Variants in MTRR observed in about 807,000 individuals in gnomAD.
The protein encoded by MTRR is 5-methyltetrahydrofolate-homocysteine methyltransferase reductase.
Under a neutral mutation model 79.2 loss-of-function variants are expected in MTRR, and 63 were observed. The observed-to-expected ratio is 0.80, with a 90% CI of 0.65 to 0.98. MTRR has a LOEUF of 0.98. Ranked by LOEUF, MTRR falls within the 50% of genes least tolerant of loss-of-function variation. MTRR has a pLI of 0.00. For missense variants in MTRR, 895 were observed against 839.6 expected (o/e 1.07, Z -0.82); for synonymous variants, 355 against 313.3 (o/e 1.13, Z -1.41).
intron 14 of MTRR, among the ~76,000 whole-genome samples, chr5:7,898,343 T>C (rs1738881495): frequency 1.3e-5 from 2 of 152,238 alleles, no homozygotes; most frequent in South Asian, 4.1e-4. Context: ...ATCACAGATA[T>C]CTGGTCATTG....
chr5:7,876,158 G>T (rs944623216), intron 4 of MTRR, among the ~76,000 whole-genome samples: 2 of 135,042 alleles, frequency 1.5e-5, no homozygotes, highest in Non-Finnish European at 3.1e-5. Flanking sequence ...TTGCTTTTCG[G>T]CATACTGTAT....
intron 5 of MTRR, among the ~76,000 whole-genome samples, chr5:7,882,026 G>A (rs1021567671): frequency 1.3e-5 from 2 of 152,174 alleles, no homozygotes; most frequent in African/African-American, 4.8e-5. Flanking sequence ...GGCTACCCTG[G>A]CACTGACTGT....
chr5:7,891,360 A>AT lies in MTRR; in HGVS notation c.1328-5dup. The AT allele has an allele frequency of 2.4e-6, 3 of 1,243,342 alleles. No homozygotes were observed. The highest frequency in any genetic ancestry group is 1.7e-5 in the South Asian group (1 of 60,354). The allele number at this position is 1,243,342 out of a possible 1,614,324, so 77.0% of individuals were successfully genotyped here. A position where few individuals can be genotyped will look rare whatever the true frequency, so the allele number is the denominator to read the frequency against. On this transcript the variant is annotated splice_polypyrimidine_tract_variant and intron_variant, in intron 9 of 14. Coordinates refer to ENST00000440940, the MANE Select transcript of MTRR (RefSeq NM_002454.3). Reference sequence around the variant, plus strand: ...AGTGAATTAATAATTGCTTGTTTTTATTTTTTTCTAGAACATCTTCCTAAA... The same window carrying AT: ...AGTGAATTAATAATTGCTTGTTTTTATTTTTTTTCTAGAACATCTTCCTAAA...
At chr5:7,854,381 A>C (rs1288449859) in intron 1 of MTRR, among the ~76,000 whole-genome samples, 1 of 151,682 alleles carries the variant, frequency 6.6e-6, no homozygotes, top group Non-Finnish European at 1.5e-5. Flanking sequence ...TTTATATGGG[A>C]GTTTATTAAG....
intron 14 of MTRR, among the ~76,000 whole-genome samples, chr5:7,897,703 T>G (rs1477522746): frequency 6.6e-6 from 1 of 152,204 alleles, no homozygotes; most frequent in African/African-American, 2.4e-5. Context: ...GTGATAAAGT[T>G]GAAACGTTCT....
At chr5:7,855,108 C>T (rs1746200990) in intron 1 of MTRR, among the ~76,000 whole-genome samples, 1 of 152,152 alleles carries the variant, frequency 6.6e-6, no homozygotes, top group East Asian at 1.9e-4. Flanking sequence ...GACATGAAAA[C>T]TACGTGAGAA....
chr5:7,899,768 A>G, intron 14 of MTRR, 146 bp from the exon 15 acceptor site: 1 of 1,107,156 alleles, frequency 9.0e-7, no homozygotes, highest in South Asian at 1.3e-5. Flanking sequence ...GGCATGAGTG[A>G]GGCTGGGAGA....
intron 8 of MTRR, among the ~76,000 whole-genome samples, chr5:7,887,469 A>C (rs1456221333): frequency 6.6e-6 from 1 of 151,058 alleles, no homozygotes; most frequent in Non-Finnish European, 1.5e-5. Context: ...CGTTTTATTA[A>C]TGTGTTTATT....
rs372516515 is a variant in MTRR, at chr5:7,855,430, AAAG to A, written n.391+3848_391+3850del. ...AGAAACATTCCAGTGGAAAAAAAAA[AAAG>A]AAAAAGTTAAAGAATAGATGAAACA... On this transcript the variant is annotated intron_variant and non_coding_transcript_variant, in intron 1 of 3. Transcript: ENST00000502509. 7.9e-3 allele frequency among the ~76,000 whole-genome samples: 1,194 copies of A among 151,556 alleles called. 22 individuals carry two copies. Among genetic ancestry groups the A allele is most frequent in the African/African-American group, 0.027 (1,135 of 41,290 alleles).
intron 5 of MTRR, 29 bp from the exon 6 acceptor site, chr5:7,883,126 C>T: frequency 6.2e-7 from 1 of 1,614,050 alleles, no homozygotes; most frequent in Non-Finnish European, 8.5e-7. Flanking sequence ...GAAAATTGCA[C>T]TTACGTTTTG....
chr5:7,889,058 A>G, intron 8 of MTRR, 37 bp from the exon 9 acceptor site: 2 of 1,613,076 alleles, frequency 1.2e-6, no homozygotes, highest in East Asian at 2.2e-5. Flanking sequence ...TCTACCCACA[A>G]ATTGTGTCAC....
intron 6 of MTRR, chr5:7,885,300 T>G (rs1736231443): frequency 5.1e-6 from 1 of 194,556 alleles, no homozygotes; most frequent in East Asian, 1.5e-4. Flanking sequence ...TTGACCATAA[T>G]TAGTTTCTTT....
chr5:7,866,871 G>A (rs766277691), upstream of MTRR: 95 of 1,613,948 alleles, frequency 5.9e-5, no homozygotes, highest in Non-Finnish European at 7.5e-5. Context: ...ATCTGACGAG[G>A]TGAAAATTTT....
At chr5:7,860,204 C>G (rs1746434375) in intron 1 of MTRR, among the ~76,000 whole-genome samples, 1 of 152,106 alleles carries the variant, frequency 6.6e-6, no homozygotes, top group Non-Finnish European at 1.5e-5. Flanking sequence ...GAATATTCAG[C>G]TGGGGATGTG....
chr5:7,852,833 A>G (rs1386201219), intron 1 of MTRR, among the ~76,000 whole-genome samples: 4 of 152,148 alleles, frequency 2.6e-5, no homozygotes, highest in South Asian at 2.1e-4. Flanking sequence ...TGGTCACAAG[A>G]TTTTGTAAGC....
In MTRR at chr5:7,875,294, G is replaced by A. The variant is rs1748685045; in HGVS notation, c.320G>A (p.Gly107Glu). 1 of 1,613,832 alleles carries A rather than the reference G, an allele frequency of 6.2e-7. No individual in the cohort carries two copies. Among genetic ancestry groups the A allele is most frequent in the East Asian group, 2.2e-5 (1 of 44,854 alleles). ...TCAGAATACACCTACTTTTGCAATG[G>A]GGGGAAGATAATTGATAAACGACTT... ...GDSEYTYFCNGGKIIDKRLQE... is the reference protein window; with the variant it reads ...GDSEYTYFCNEGKIIDKRLQE... Residue 107 changes from glycine (G) to glutamate (E), a missense_variant, in exon 4 of 15, where the codon GGG (glycine) becomes GAG (glutamate). Gly to Glu is a moderately conservative substitution (Grantham distance 98, BLOSUM62 -2). Transcript: ENST00000440940.
chr5:7,873,248 CA>C, intron 2 of MTRR, 124 bp from the exon 3 acceptor site: 3 of 1,272,596 alleles, frequency 2.4e-6, no homozygotes, highest in Non-Finnish European at 3.4e-6. Flanking sequence ...CTGGTCGTCT[CA>C]AAAAAACTGG....
chr5:7,867,429 A>G (rs1190102553), upstream of MTRR: 3 of 1,614,202 alleles, frequency 1.9e-6, no homozygotes, highest in South Asian at 3.3e-5. Context: ...CCAAGAATAC[A>G]AAGATTGCGA....
At position 7,892,747 on chromosome 5, in the gene MTRR, G is replaced by A. The variant is rs1372892119; in HGVS notation, c.1391G>A (p.Gly464Glu). The part of the protein sequence containing the change: ...SCASSSLFHP[G>E]KLHFVFNIVE... ...TGCAGCTCAAGTTTATTTCACCCAG[G>A]AAAGCTCCATTTTGTCTTCAACATT... is the stretch of plus-strand genomic sequence containing the variant. The change falls in exon 11 of 15, where the codon GGA becomes GAA. Residue 464 changes from glycine to glutamate, a missense_variant. Coordinates refer to ENST00000440940, the MANE Select transcript of MTRR (RefSeq NM_002454.3). 1 of 1,614,164 alleles carries A rather than the reference G, an allele frequency of 6.2e-7. No individual in the cohort carries two copies. Among genetic ancestry groups the A allele is most frequent in the East Asian group, 2.2e-5 (1 of 44,886 alleles).
Sources: gnomAD v4.1 joint callset for allele counts (sites outside exome capture counted in the v4.1 genomes callset) on GRCh38, gnomAD v4.1.1 for gene constraint, MANE v1.5 for transcripts, NCBI Gene and HGNC (gene_info 2026-07-23, HGNC 2026-07-21) for gene names.